CHI3L1: variants seen among roughly 807,000 people sequenced by gnomAD.
The protein encoded by CHI3L1 is chitinase-3-like protein 1.
In CHI3L1, 30 loss-of-function variants were observed where a neutral mutation model predicts 40.7. The ratio of observed to expected loss-of-function variants is 0.74; its 90% CI spans 0.55 to 1.00. CHI3L1 has a LOEUF of 1.00. CHI3L1 is among the 50% of genes least tolerant of loss of function. The pLI is 0.00. For missense variants in CHI3L1, 493 were observed against 492.2 expected, an observed-to-expected ratio of 1.00 and a Z score of -0.01; for synonymous variants, 210 against 192.1, an observed-to-expected ratio of 1.09 and a Z score of -0.77.
chr1:203,186,640 C>T lies in CHI3L1; in HGVS notation c.-17G>A, dbSNP rs1358274275. 30 of 1,613,992 alleles carry T rather than the reference C, an allele frequency of 1.9e-5. No individual in the cohort carries two copies. The highest frequency in any genetic ancestry group is 2.5e-5 in the Non-Finnish European group (29 of 1,180,024). ...CACACCCATTCTGGCTGCAGCAGAG[C>T]AGGGCAGGGTGTGGCCTCTTCCCTT... is the stretch of plus-strand genomic sequence containing the variant. On this transcript the variant is annotated 5_prime_UTR_variant, in exon 1 of 10. Coordinates refer to ENST00000255409, the MANE Select transcript of CHI3L1 (RefSeq NM_001276.4).
chr1:203,185,017 A>G (rs1332250484), intron 3 of CHI3L1, among the ~76,000 whole-genome samples, 167 bp downstream of exon 3: 1 of 151,920 alleles, frequency 6.6e-6, no homozygotes, highest in Non-Finnish European at 1.5e-5. Flanking sequence ...CACCCCAAAT[A>G]TTGCCCAGCA....
chr1:203,180,721 C>A (rs1280190392), intron 7 of CHI3L1, 69 bp from the exon 8 acceptor site: 8 of 1,199,656 alleles, frequency 6.7e-6, no homozygotes, highest in Non-Finnish European at 9.4e-6. Flanking sequence ...GCAATTAATA[C>A]TGCTGCCTTA....
Position 203,186,702 on chromosome 1 carries a change from C to T in CHI3L1, c.-79G>A. On this transcript the variant is annotated 5_prime_UTR_variant, in exon 1 of 10. Transcript: ENST00000255409. ...CTGGTGCCAGCTACCTAGACAGGGC[C>T]TCTTCCCCAGGCCCTGTACTTCCTT... is the stretch of plus-strand genomic sequence containing the variant. 3.9e-6 allele frequency: 6 copies of T among 1,551,946 alleles called. 1 individual carries two copies. The South Asian group carries it at 6.7e-5, about 17-fold the overall frequency.
chr1:203,183,776 G>A lies in CHI3L1; in HGVS notation c.330C>T (p.Ala110=), dbSNP rs376707356. ...NFGSQRFSKI[A]SNTQSRRTFI... is the part of the protein sequence containing the mutation. ...AAGTCCGGCGACTCTGGGTGTTGGAGGCTATCTTGGAAAATCTAGGACCAA... is the reference window on the plus strand; with the variant it reads ...AAGTCCGGCGACTCTGGGTGTTGGAAGCTATCTTGGAAAATCTAGGACCAA... The change falls in exon 5 of 10, where the codon GCC becomes GCT. Residue 110 remains alanine (A), a synonymous_variant. Coordinates refer to ENST00000255409, the MANE Select transcript of CHI3L1 (RefSeq NM_001276.4). The A allele has an allele frequency of 2.2e-5, 36 of 1,614,076 alleles. No homozygotes were observed. The African/African-American group carries it at 4.1e-4, about 19-fold the overall frequency.
chr1:203,183,247 G>T (rs1655975115), intron 5 of CHI3L1, among the ~76,000 whole-genome samples: 1 of 152,182 alleles, frequency 6.6e-6, no homozygotes, highest in African/African-American at 2.4e-5. Flanking sequence ...AATTTGTTTA[G>T]ACTCTCCTTC....
chr1:203,180,189 C>T (rs552185266), intron 8 of CHI3L1: 13 of 561,106 alleles, frequency 2.3e-5, no homozygotes, highest in African/African-American at 2.2e-4. Context: ...AAAAATCTGC[C>T]TCTTGACCTC....
intron 3 of CHI3L1, among the ~76,000 whole-genome samples, chr1:203,184,846 G>C (rs899699969): frequency 3.9e-5 from 6 of 152,182 alleles, no homozygotes; most frequent in African/African-American, 1.4e-4. Context: ...GAGTTACTCT[G>C]AGGTCTGCTG....
At chr1:203,182,960 C>A (rs1225580418) in intron 5 of CHI3L1, 108 bp from the exon 6 acceptor site, 5 of 1,140,840 alleles carry the variant, frequency 4.4e-6, no homozygotes, top group Non-Finnish European at 5.1e-6. Flanking sequence ...TACTCCCCAA[C>A]CTGCCTGGGG....
Position 203,179,410 on chromosome 1 carries a change from A to G in CHI3L1, c.*35T>C, listed in dbSNP as rs914557015. 2.6e-5 allele frequency: 39 copies of G among 1,502,188 alleles called. No individual in the cohort carries two copies. Among genetic ancestry groups the G allele is most frequent in the Non-Finnish European group, 3.5e-5 (39 of 1,121,558 alleles). 93.1% of individuals were successfully genotyped at this position (1,502,188 alleles called of 1,614,324 possible). On this transcript the variant is annotated 3_prime_UTR_variant, in exon 10 of 10. Transcript: ENST00000255409. ...AGCTGGAGCCAGAGGGGGACGGGGC[A>G]TCCTTGGCCCCCGTGCTGTGTGCAG...
chr1:203,183,530 G>T, intron 5 of CHI3L1, 111 bp downstream of exon 5: 2 of 1,144,268 alleles, frequency 1.7e-6, no homozygotes, highest in Non-Finnish European at 1.3e-6. Context: ...CCCTGAGGCT[G>T]AAGTCCCTCT....
chr1:203,179,939 G>A, intron 8 of CHI3L1, 62 bp from the exon 9 acceptor site: 1 of 1,479,826 alleles, frequency 6.8e-7, no homozygotes, highest in African/African-American at 1.4e-5. Flanking sequence ...CAGGTCACCA[G>A]GAGACGCCAC....
intron 6 of CHI3L1, among the ~76,000 whole-genome samples, chr1:203,182,476 GCT>G (rs1325484278): frequency 6.6e-6 from 1 of 152,200 alleles, no homozygotes; most frequent in Non-Finnish European, 1.5e-5. Flanking sequence ...TTTCATAGCA[GCT>G]CTCTCAACTG....
At chr1:203,179,931 G>A (rs1211030533) in intron 8 of CHI3L1, 54 bp from the exon 9 acceptor site, 2 of 1,550,710 alleles carry the variant, frequency 1.3e-6, no homozygotes, top group Non-Finnish European at 1.8e-6. Context: ...AGACCTTGCA[G>A]GTCACCAGGA....
Position 203,185,259 on chromosome 1 carries a change from A to G in CHI3L1, c.182T>C (p.Ile61Thr). ...CTHIIYSFAN[I>T]SNDHIDTWEW... ...CCAGGTGTCGATGTGATCGTTGCTT[A>G]TATTGGCAAAGCTGTAGATGATGTG... Residue 61 changes from isoleucine to threonine, a missense_variant, in exon 3 of 10, where the codon ATA becomes ACA. Coordinates refer to ENST00000255409, the MANE Select transcript of CHI3L1 (RefSeq NM_001276.4). 1 of 1,614,156 alleles carries G rather than the reference A, an allele frequency of 6.2e-7. No homozygotes were observed. Among genetic ancestry groups the G allele is most frequent in the Non-Finnish European group, 8.5e-7 (1 of 1,180,014 alleles).
chr1:203,184,595 A>G lies in CHI3L1; in HGVS notation c.295T>C (p.Trp99Arg). ...TCCTACCTTTGAGACCCAAAGTTCC[A>G]TCCTCCGACAGACAAGAGAGTCTTC... ...NLKTLLSVGG[W>R]NFGSQRFSKI... is the part of the protein sequence containing the mutation. The change falls in exon 4 of 10, where the codon TGG (tryptophan) becomes CGG (arginine). Residue 99 changes from tryptophan (W) to arginine (R), a missense_variant. Trp to Arg is a moderately radical substitution (Grantham distance 101). Transcript: ENST00000255409. 6.2e-7 allele frequency: 1 copy of G among 1,613,984 alleles called. No individual in the cohort carries two copies. Among genetic ancestry groups the G allele is most frequent in the Non-Finnish European group, 8.5e-7 (1 of 1,179,928 alleles).
intron 4 of CHI3L1, 113 bp from the exon 5 acceptor site, chr1:203,183,904 T>A: frequency 8.3e-7 from 1 of 1,200,018 alleles, no homozygotes; most frequent in South Asian, 1.3e-5. Flanking sequence ...CACACAGCTC[T>A]GGGAGGGCAT....
At chr1:203,183,171 C>T (rs143193686) in intron 5 of CHI3L1, among the ~76,000 whole-genome samples, 1 of 152,306 alleles carries the variant, frequency 6.6e-6, no homozygotes, top group East Asian at 1.9e-4. Flanking sequence ...GCCTTTCGGT[C>T]TGTGCTTTGT....
In CHI3L1 at chr1:203,179,270, T is replaced by C; in HGVS notation, c.*175A>G. On this transcript the variant is annotated 3_prime_UTR_variant, in exon 10 of 10. Coordinates refer to ENST00000255409, the MANE Select transcript of CHI3L1 (RefSeq NM_001276.4). Reference sequence around the variant, plus strand: ...CCCCACAGCCCCATCCCTACCTCTCTGCCCACCAGGGCTGAGCTCAAATCT... The same window carrying C: ...CCCCACAGCCCCATCCCTACCTCTCCGCCCACCAGGGCTGAGCTCAAATCT... The C allele has an allele frequency of 1.8e-6, 1 of 546,326 alleles. No homozygotes were observed. The highest frequency in any genetic ancestry group is 4.8e-4 in the Middle Eastern group (1 of 2,064). 33.8% of individuals were successfully genotyped at this position (546,326 alleles called of 1,614,324 possible).
chr1:203,179,606 G>C, intron 9 of CHI3L1, 21 bp from the exon 10 acceptor site: 2 of 1,612,838 alleles, frequency 1.2e-6, no homozygotes, highest in Non-Finnish European at 1.7e-6. Context: ...AGGCCCAGAG[G>C]AGCAGGGCTG....
Sources: allele counts gnomAD v4.1 joint callset (sites outside exome capture counted in the v4.1 genomes callset), GRCh38; gene constraint gnomAD v4.1.1; transcripts MANE v1.5; gene names NCBI Gene and HGNC (gene_info 2026-07-23, HGNC 2026-07-21).